LRRC66: variants seen among roughly 807,000 people sequenced by gnomAD.
LRRC66 encodes leucine rich repeat containing 66, also known as leucine-rich repeat-containing protein 66.
In LRRC66, 29 loss-of-function variants were observed where a neutral mutation model predicts 24.6. The ratio of observed to expected loss-of-function variants is 1.18; its 90% confidence interval spans 0.88 to 1.61. LRRC66 has a LOEUF of 1.61. Among genes scored for constraint, LRRC66 ranks in the 40% most tolerant of loss-of-function variants. LRRC66 has a pLI of 0.00. For missense variants in LRRC66, 1,124 were observed against 1,058.0 expected, an observed-to-expected ratio of 1.06 and a Z score of -0.87; for synonymous variants, 411 against 397.6, an observed-to-expected ratio of 1.03 and a Z score of -0.40.
At position 51,995,315 on chromosome 4, in the gene LRRC66, G is replaced by A; in HGVS notation, c.1707C>T (p.Ser569=). The part of the protein sequence containing the change: ...AGTSHAVSGS[S]RYDSNELDPS... Reference sequence around the variant, plus strand: ...GGTCTAATTCATTGGAATCATAACGGCTTGAGCCAGAGACAGCGTGAGACG... The same window carrying A: ...GGTCTAATTCATTGGAATCATAACGACTTGAGCCAGAGACAGCGTGAGACG... Residue 569 remains serine, a synonymous_variant, in exon 5 of 5, where the codon AGC becomes AGT. Coordinates refer to ENST00000682860, the MANE Select transcript of LRRC66 (RefSeq NM_001024611.3). 1 of 1,614,166 alleles carries A rather than the reference G, an allele frequency of 6.2e-7. No individual in the cohort carries two copies. The highest frequency in any genetic ancestry group is 8.5e-7 in the Non-Finnish European group (1 of 1,180,030).
intron 3 of LRRC66, among the ~76,000 whole-genome samples, chr4:52,002,840 G>A (rs754219255): frequency 4.6e-5 from 7 of 152,312 alleles, no homozygotes; most frequent in South Asian, 2.1e-4. Flanking sequence ...CTCCCCAAGC[G>A]TTCCATATTG....
chr4:52,010,056 A>C (rs1265745097), intron 2 of LRRC66, among the ~76,000 whole-genome samples: 1 of 152,234 alleles, frequency 6.6e-6, no homozygotes, highest in Non-Finnish European at 1.5e-5. Context: ...ACAATTCTCC[A>C]AATTAACAGA....
At chr4:52,012,545 C>T (rs1038901389) in intron 2 of LRRC66, among the ~76,000 whole-genome samples, 13 of 152,262 alleles carry the variant, frequency 8.5e-5, no homozygotes, top group African/African-American at 2.6e-4. Flanking sequence ...GACTGCACTT[C>T]TCAATGGGAA....
chr4:52,001,038 GT>G (rs1736435431), intron 3 of LRRC66, among the ~76,000 whole-genome samples: 1 of 152,192 alleles, frequency 6.6e-6, no homozygotes, highest in Non-Finnish European at 1.5e-5. Flanking sequence ...TTTAAAATAT[GT>G]GTTAGGTACC....
Position 51,995,538 on chromosome 4 carries a change from G to C in LRRC66, c.1484C>G (p.Thr495Ser), listed in dbSNP as rs762171816. 2 of 1,614,128 alleles carry C rather than the reference G, an allele frequency of 1.2e-6. No individual in the cohort carries two copies. Among genetic ancestry groups the C allele is most frequent in the African/African-American group, 2.7e-5 (2 of 75,028 alleles). Residue 495 changes from threonine to serine, a missense_variant, in exon 5 of 5, where the codon ACC becomes AGC. Physicochemically the swap from Thr to Ser is moderately conservative, Grantham distance 58. Coordinates refer to ENST00000682860, the MANE Select transcript of LRRC66 (RefSeq NM_001024611.3). ...ACCATCATTTCCACTTCCTGCCCCGGTGTTGTCCCCGCACTGTCCTGGGCT... is the reference window on the plus strand; with the variant it reads ...ACCATCATTTCCACTTCCTGCCCCGCTGTTGTCCCCGCACTGTCCTGGGCT... Reference protein sequence around the residue: ...SQSPGQCGDNTGAGSGNDGAV... With the variant: ...SQSPGQCGDNSGAGSGNDGAV...
At chr4:52,019,884 A>G (rs1736903812) in intron 1 of LRRC66, among the ~76,000 whole-genome samples, 1 of 152,268 alleles carries the variant, frequency 6.6e-6, no homozygotes, top group South Asian at 2.1e-4. Context: ...AGATTTATAC[A>G]TGTTAGGTTT....
Position 51,994,001 on chromosome 4 carries a change from A to T in LRRC66, c.*378T>A, listed in dbSNP as rs950803241. 1.0e-4 allele frequency: 18 copies of T among 174,924 alleles called. No individual in the cohort carries two copies. Among genetic ancestry groups the T allele is most frequent in the African/African-American group, 3.1e-4 (13 of 41,976 alleles). 10.8% of individuals were successfully genotyped at this position (174,924 alleles called of 1,614,324 possible). On this transcript the variant is annotated 3_prime_UTR_variant, in exon 5 of 5. Transcript: ENST00000682860. ...AGTTAGAACCACTTCGTCTAACTGC[A>T]ACAGATTCTCTTCTGAATATTTACC...
intron 2 of LRRC66, among the ~76,000 whole-genome samples, chr4:52,006,054 C>T (rs1424196730): frequency 6.6e-6 from 1 of 152,212 alleles, no homozygotes; most frequent in Admixed American, 6.5e-5. Flanking sequence ...GATGTGAACT[C>T]ATGATTCCTA....
At chr4:52,014,847 T>C (rs1428187478) in intron 2 of LRRC66, among the ~76,000 whole-genome samples, 1 of 152,262 alleles carries the variant, frequency 6.6e-6, no homozygotes, top group Non-Finnish European at 1.5e-5. Flanking sequence ...CATCTCTCTA[T>C]GTCTTCATTT....
At chr4:52,003,445 C>A in intron 2 of LRRC66, 53 bp from the exon 3 acceptor site, 2 of 1,524,218 alleles carry the variant, frequency 1.3e-6, no homozygotes, top group South Asian at 1.2e-5. Context: ...TTTACTGCAG[C>A]ACTGTTTGTA....
At chr4:52,012,096 A>ATTCTCCT (rs1736718615) in intron 2 of LRRC66, among the ~76,000 whole-genome samples, 1 of 152,080 alleles carries the variant, frequency 6.6e-6, no homozygotes, top group Admixed American at 6.5e-5. Context: ...CTAAGGCAGG[A>ATTCTCCT]GAATCTCTTG....
At chr4:52,002,288 T>C (rs924138919) in intron 3 of LRRC66, among the ~76,000 whole-genome samples, 1 of 152,238 alleles carries the variant, frequency 6.6e-6, no homozygotes, top group African/African-American at 2.4e-5. Flanking sequence ...TAAAATTGCA[T>C]GTGCGGCTCA....
chr4:51,999,612 TTAGTGCATGTC>T (rs1294074130), intron 3 of LRRC66, among the ~76,000 whole-genome samples: 1 of 152,212 alleles, frequency 6.6e-6, no homozygotes, highest in Non-Finnish European at 1.5e-5. Flanking sequence ...TATTTTCTTT[TTAGTGCATGTC>T]TACATTTATT....
chr4:52,010,776 T>C lies in LRRC66; in HGVS notation c.496+6342A>G, dbSNP rs574702279. ...GTGCTGTGATGAACATATGAGTGCATGTGTCTTTTTTGTAGAATGATTTAT... is the reference window on the plus strand; with the variant it reads ...GTGCTGTGATGAACATATGAGTGCACGTGTCTTTTTTGTAGAATGATTTAT... On this transcript the variant is annotated intron_variant, in intron 2 of 4. Transcript: ENST00000682860. Among the ~76,000 whole-genome samples, 29 of 152,296 alleles carry C rather than the reference T, an allele frequency of 1.9e-4. No individual in the cohort carries two copies. In the South Asian group the frequency reaches 4.4e-3, roughly 23 times the overall value.
intron 3 of LRRC66, among the ~76,000 whole-genome samples, chr4:52,001,412 G>T (rs1736444374): frequency 6.6e-6 from 1 of 152,144 alleles, no homozygotes; most frequent in Non-Finnish European, 1.5e-5. Context: ...TTGAAAGGAG[G>T]CTGGAGAGGC....
chr4:52,020,141 A>G (rs1736911853), intron 1 of LRRC66, among the ~76,000 whole-genome samples, 163 bp downstream of exon 1: 1 of 152,176 alleles, frequency 6.6e-6, no homozygotes, highest in Non-Finnish European at 1.5e-5. Flanking sequence ...CAGCAAGTGA[A>G]AGATAGGAAG....
intron 2 of LRRC66, among the ~76,000 whole-genome samples, chr4:52,015,185 CACAG>C (rs1457732083): frequency 2.0e-5 from 3 of 152,178 alleles, no homozygotes; most frequent in African/African-American, 7.2e-5. Flanking sequence ...TCTCCATTCA[CACAG>C]AAAGTAGGCT....
At chr4:52,011,812 A>T (rs1275895629) in intron 2 of LRRC66, among the ~76,000 whole-genome samples, 2 of 152,234 alleles carry the variant, frequency 1.3e-5, no homozygotes, top group Non-Finnish European at 2.9e-5. Context: ...GATAAGGACC[A>T]GGAAGCTTTT....
At chr4:52,010,910 A>G (rs189709088) in intron 2 of LRRC66, among the ~76,000 whole-genome samples, 78 of 152,352 alleles carry the variant, frequency 5.1e-4, no homozygotes, top group Admixed American at 4.6e-3. Context: ...AAGTCTCAAA[A>G]TAATTATGCT....
Sources: allele counts gnomAD v4.1 joint callset (sites outside exome capture counted in the v4.1 genomes callset), GRCh38; gene constraint gnomAD v4.1.1; transcripts MANE v1.5; gene names NCBI Gene and HGNC (gene_info 2026-07-23, HGNC 2026-07-21).